The following CD36 variants were observed in gnomAD, a reference collection of about 807,000 sequenced individuals.
The protein encoded by CD36 is platelet glycoprotein 4.
CD36 carries 119 observed loss-of-function variants against 55.2 expected under a neutral mutation model. That is an observed-to-expected ratio of 2.15 (90% CI 1.86 to 2.51). CD36 has a LOEUF of 2.51. CD36 is among the 30% of genes most tolerant of loss of function. CD36 has a pLI of 0.00. For missense variants in CD36, 819 were observed against 555.5 expected (o/e 1.47, Z -4.77); for synonymous variants, 186 against 193.6 (o/e 0.96, Z 0.33).
rs1258160661 is a variant in CD36, at chr7:80,669,956, CAG to C, written c.753_754del (p.Ala252LeufsTer7). The C allele has an allele frequency of 6.2e-6, 10 of 1,610,142 alleles. No individual in the cohort carries two copies. In the African/African-American group the frequency reaches 1.2e-4, roughly 19 times the overall value. On this transcript the variant is annotated frameshift_variant, in exon 9 of 15. Coordinates refer to ENST00000447544, the MANE Select transcript of CD36 (RefSeq NM_001001548.3). LOFTEE classifies it high-confidence loss of function. Reference sequence around the variant, plus strand: ...TTGCCACTCGATTTTTAAACAGATGCAGCCTCATTTCCACCTTTTGTTGAGAA... The same window carrying C: ...TTGCCACTCGATTTTTAAACAGATGCCCTCATTTCCACCTTTTGTTGAGAA...
chr7:80,664,020 TA>T (rs1462263198), intron 6 of CD36, among the ~76,000 whole-genome samples: 35 of 152,024 alleles, frequency 2.3e-4, no homozygotes, highest in Admixed American at 2.2e-3. Flanking sequence ...AGTAACCACT[TA>T]TTATCATTTT....
intron 1 of CD36, among the ~76,000 whole-genome samples, chr7:80,603,129 A>T (rs1792334843): frequency 6.6e-6 from 1 of 152,132 alleles, no homozygotes; most frequent in Non-Finnish European, 1.5e-5. Flanking sequence ...GTTTCATAAT[A>T]TGGCTACATA....
rs947192491 is a variant in CD36, at chr7:80,678,407, C to T, written c.*2024C>T. 6.6e-6 allele frequency: 1 copy of T among 151,828 alleles called. No homozygotes were observed. The highest frequency in any genetic ancestry group is 2.4e-5 in the African/African-American group (1 of 41,332). 9.4% of individuals were successfully genotyped at this position (151,828 alleles called of 1,614,324 possible). On this transcript the variant is annotated 3_prime_UTR_variant, in exon 15 of 15. Transcript: ENST00000447544. ...TAACAGATTAGAGAATCAACAGCATCGGAAAATAGGTTAATGCATATTGCT... is the reference window on the plus strand; with the variant it reads ...TAACAGATTAGAGAATCAACAGCATTGGAAAATAGGTTAATGCATATTGCT...
At chr7:80,674,364 CTTGTGACCA>C (rs1798059432) in intron 14 of CD36, 1 of 503,804 alleles carries the variant, frequency 2.0e-6, no homozygotes, top group East Asian at 3.6e-5. Flanking sequence ...AAAAGATGTA[CTTGTGACCA>C]TTGTAACAAT....
chr7:80,616,834 T>C (rs34493313), intron 1 of CD36, among the ~76,000 whole-genome samples: 47,982 of 152,038 alleles, frequency 0.32, 8,107 homozygotes, highest in South Asian at 0.46. Context: ...AAGGATCATG[T>C]CTTTATATAA....
At chr7:80,666,581 G>A (rs1797116602) in intron 8 of CD36, 92 bp downstream of exon 8, 2 of 992,926 alleles carry the variant, frequency 2.0e-6, no homozygotes, top group East Asian at 2.4e-5. Context: ...AAAGTTGAGG[G>A]TGTGTGTTTA....
intron 1 of CD36, among the ~76,000 whole-genome samples, chr7:80,618,866 A>G (rs938689719): frequency 6.6e-6 from 1 of 152,226 alleles, no homozygotes; most frequent in Admixed American, 6.5e-5. Flanking sequence ...AGTTATCTGG[A>G]AGATCTAGCT....
At chr7:80,617,368 CT>C (rs1195264140) in intron 1 of CD36, among the ~76,000 whole-genome samples, 2 of 151,782 alleles carry the variant, frequency 1.3e-5, no homozygotes, top group Non-Finnish European at 1.5e-5. Context: ...ATGTGTACCC[CT>C]GAACTTAAAA....
intron 1 of CD36, among the ~76,000 whole-genome samples, chr7:80,616,724 G>A (rs552987106): frequency 6.6e-5 from 10 of 152,182 alleles, no homozygotes; most frequent in African/African-American, 2.4e-4. Flanking sequence ...TAACCAGCTT[G>A]GAATCATCCT....
In CD36 at chr7:80,650,203, A is replaced by G. The variant is rs1246398685; in HGVS notation, c.120+3343A>G. 3.3e-5 allele frequency among the ~76,000 whole-genome samples: 5 copies of G among 152,102 alleles called. No individual in the cohort carries two copies. In the East Asian group the frequency reaches 5.8e-4, roughly 18 times the overall value. ...CACATTGTAAGCCCCCTACATGTCC[A>G]TAGACTAAGACTCATCATCAGAATC... On this transcript the variant is annotated intron_variant, in intron 3 of 14. Transcript: ENST00000447544.
rs1363671181 is a variant in CD36 at position 80,667,747 on chromosome 7, G to GTTTTTTGTT, written c.748+1264_748+1265insGTTTTTTTT. Among the ~76,000 whole-genome samples, 27 of 82,640 alleles carry GTTTTTTGTT rather than the reference G, an allele frequency of 3.3e-4. 1 individual carries two copies. Among genetic ancestry groups the GTTTTTTGTT allele is most frequent in the African/African-American group, 1.1e-3 (26 of 24,114 alleles). The allele number at this position is 82,640 out of a possible 152,430, so 54.2% of individuals were successfully genotyped here. On this transcript the variant is annotated intron_variant, in intron 8 of 14. Transcript: ENST00000447544. ...GTTGGATTTGCAGGGGTTTTCTTTT[G>GTTTTTTGTT]TTTTTTTTTTTTTTTTTTTTTGAGA...
intron 1 of CD36, among the ~76,000 whole-genome samples, chr7:80,610,750 ATT>A (rs1792835246): frequency 6.6e-6 from 1 of 151,326 alleles, no homozygotes; most frequent in Non-Finnish European, 1.5e-5. Context: ...AATTTTTTGG[ATT>A]TTTACTAGAG....
chr7:80,628,831 A>G (rs1793898711), intron 1 of CD36, among the ~76,000 whole-genome samples: 1 of 152,064 alleles, frequency 6.6e-6, no homozygotes, highest in South Asian at 2.1e-4. Context: ...GAAAGGTGAG[A>G]CAACACAAAG....
In CD36 at chr7:80,664,261, G is replaced by A. The variant is rs544425252; in HGVS notation, c.610-145G>A. The A allele has an allele frequency of 1.5e-4, 88 of 600,478 alleles. No homozygotes were observed. The African/African-American group carries it at 1.5e-3, about 10-fold the overall frequency. 37.2% of individuals were successfully genotyped at this position (600,478 alleles called of 1,614,324 possible). On this transcript the variant is annotated intron_variant, in intron 6 of 14. Coordinates refer to ENST00000447544, the MANE Select transcript of CD36 (RefSeq NM_001001548.3). ...CTAGGCACCTTTCACAATTTTTAAG[G>A]CCAATAATTTAAAAAAATGTATTGC...
intron 13 of CD36, chr7:80,673,744 CTGTTGACCCTTT>C (rs1562827671): frequency 5.2e-6 from 3 of 575,644 alleles, no homozygotes; most frequent in African/African-American, 1.9e-5. Flanking sequence ...GCAAATGAAA[CTGTTGACCCTTT>C]GATAGTTCTG....
rs771567598 is a variant in CD36, at chr7:80,673,376, G to A, written c.1221G>A (p.Arg407=). ...ACAGAGTATTAAAGAATCTGAAGAG[G>A]AACTATATTGTGCCTATTCTTTGGC... The part of the protein sequence containing the change: ...EKIQVLKNLK[R]NYIVPILWLN... Residue 407 remains arginine, a synonymous_variant, in exon 13 of 15, where the codon AGG becomes AGA. Transcript: ENST00000447544. The A allele has an allele frequency of 7.1e-6, 11 of 1,553,474 alleles. No homozygotes were observed. In the East Asian group the frequency reaches 2.3e-4, roughly 32 times the overall value.
chr7:80,621,749 A>G (rs756331290), intron 1 of CD36, among the ~76,000 whole-genome samples: 1 of 152,236 alleles, frequency 6.6e-6, no homozygotes, highest in Non-Finnish European at 1.5e-5. Flanking sequence ...AAGAGGTATT[A>G]TTCTAGTTAT....
chr7:80,645,096 C>A (rs991841573), intron 1 of CD36, among the ~76,000 whole-genome samples: 3 of 151,380 alleles, frequency 2.0e-5, no homozygotes, highest in Non-Finnish European at 4.4e-5. Context: ...TCTCGGCTCA[C>A]CGCAACCTCC....
intron 4 of CD36, 124 bp downstream of exon 4, chr7:80,656,824 T>A: frequency 1.2e-6 from 1 of 832,974 alleles, no homozygotes; most frequent in Non-Finnish European, 2.0e-6. Context: ...AAATATACTT[T>A]AAAATATTTT....
Sources: allele counts gnomAD v4.1 joint callset (sites outside exome capture counted in the v4.1 genomes callset), GRCh38; gene constraint gnomAD v4.1.1; transcripts MANE v1.5; gene names NCBI Gene and HGNC (gene_info 2026-07-23, HGNC 2026-07-21).